Variants in GTF3C2 observed in about 807,000 individuals in gnomAD.
GTF3C2 encodes the protein general transcription factor 3C polypeptide 2.
GTF3C2 carries 17 observed loss-of-function variants against 117.4 expected under a neutral mutation model. The ratio of observed to expected loss-of-function variants is 0.14; its 90% CI spans 0.10 to 0.22. GTF3C2 has a LOEUF of 0.22. Among genes scored for constraint, GTF3C2 ranks in the 10% least tolerant of loss-of-function variants. The pLI is 1.00. For synonymous variants in GTF3C2, 437 were observed against 427.0 expected (o/e 1.02, Z -0.29); for missense variants, 888 against 1,143.6 (o/e 0.78, Z 3.22).
rs774241650 is a variant in GTF3C2 at position 27,326,718 on chromosome 2, G to C, written c.2693C>G (p.Pro898Arg). 3.1e-6 allele frequency: 5 copies of C among 1,614,124 alleles called. No individual in the cohort carries two copies. In the Admixed American group the frequency reaches 6.7e-5, roughly 22 times the overall value. ...GCGATGGCTGGTTGGAGAGAAGCCA[G>C]GCCGTCTAGTGGGGGAGGATGGTTG... The change falls in exon 19 of 19, where the codon CCT becomes CGT. Residue 898 changes from proline to arginine, a missense_variant. Physicochemically the swap from Pro to Arg is moderately radical, Grantham distance 103. Around this residue, in one of 7 missense-constraint regions of GTF3C2, gnomAD observed 53 missense variants for 43.6 expected, o/e 1.22. Coordinates refer to ENST00000264720, the Ensembl canonical transcript of GTF3C2.
chr2:27,343,559 A>AC (rs757458549), exon 2 of GTF3C2: 7 of 1,613,548 alleles, frequency 4.3e-6, no homozygotes, highest in Non-Finnish European at 5.1e-6. Flanking sequence ...ATCCATCAGC[A>AC]CCCCCCAAAA....
At chr2:27,330,800 A>G (rs1185966149) in intron 12 of GTF3C2, among the ~76,000 whole-genome samples, 1 of 152,198 alleles carries the variant, frequency 6.6e-6, no homozygotes. Context: ...ATCTCTACTA[A>G]AAATACAAAA....
At chr2:27,345,537 G>A (rs188611724) in intron 1 of GTF3C2, among the ~76,000 whole-genome samples, 3 of 151,706 alleles carry the variant, frequency 2.0e-5, no homozygotes, top group South Asian at 2.1e-4. Flanking sequence ...AGGTTGCAGC[G>A]AGCCGAGATC....
exon 2 of GTF3C2, chr2:27,343,410 C>T (rs147479583): frequency 3.8e-5 from 62 of 1,613,812 alleles, no homozygotes; most frequent in Admixed American, 6.7e-5. Context: ...GACATCTCTA[C>T]GGAAGCCTCT....
chr2:27,327,340 T>TG, intron 17 of GTF3C2, 56 bp from the exon 18 acceptor site: 1 of 923,542 alleles, frequency 1.1e-6, no homozygotes, highest in Non-Finnish European at 1.7e-6. Flanking sequence ...TTGTTTTTTT[T>TG]AAGACGGAGT....
rs1245099708 is a variant in GTF3C2 at position 27,349,141 on chromosome 2, TTGA to T, written c.-24-5566_-24-5564del. The stretch of plus-strand genomic sequence containing the variant: ...TGTGAGCCACTGTGCCCAGCCTGAT[TTGA>T]TTTTTTTTTTTTTTTTTTTTTGAGA... On this transcript the variant is annotated intron_variant, in intron 1 of 18. Coordinates refer to ENST00000264720, the Ensembl canonical transcript of GTF3C2. 5.2e-5 allele frequency among the ~76,000 whole-genome samples: 3 copies of T among 57,910 alleles called. 1 individual carries two copies. The highest frequency in any genetic ancestry group is 5.6e-4 in the South Asian group (1 of 1,772). 38.0% of individuals were successfully genotyped at this position (57,910 alleles called of 152,430 possible). A position where few individuals can be genotyped will look rare whatever the true frequency, so the allele number is the denominator to read the frequency against.
At chr2:27,353,848 A>G (rs1046833934) in intron 1 of GTF3C2, among the ~76,000 whole-genome samples, 1 of 152,050 alleles carries the variant, frequency 6.6e-6, no homozygotes, top group African/African-American at 2.4e-5. Flanking sequence ...TCAGCCTCTC[A>G]GGTCACTGGG....
chr2:27,333,698 C>T (rs1680357363), exon 12 of GTF3C2: 1 of 1,612,074 alleles, frequency 6.2e-7, no homozygotes, highest in Non-Finnish European at 8.5e-7. Context: ...GCCTGGTAGG[C>T]ATCCAGGCCA....
chr2:27,339,409 CAAAAAAAAAAAA>C (rs761860478), intron 4 of GTF3C2, among the ~76,000 whole-genome samples: 1 of 46,820 alleles, frequency 2.1e-5, no homozygotes, highest in Non-Finnish European at 5.0e-5. Flanking sequence ...AACTCCGTCT[CAAAAAAAAAAAA>C]AAAAAAGAAA....
chr2:27,343,060 T>C lies in GTF3C2; in HGVS notation c.335A>G (p.Lys112Arg), dbSNP rs147844847. The C allele has an allele frequency of 1.5e-5, 24 of 1,613,894 alleles. No individual in the cohort carries two copies. The African/African-American group carries it at 2.1e-4, about 14-fold the overall frequency. ...TGGAGGATTAGGCTGTTGGGGCCTT[T>C]TGGGGCCTTTTCGTGTCCTACCACC... Residue 112 changes from lysine (K) to arginine (R), a missense_variant, in exon 3 of 19, where the codon AAA becomes AGA. By Grantham distance (26) the Lys-to-Arg change is conservative. Around this residue, in one of 7 missense-constraint regions of GTF3C2, gnomAD observed 393 missense variants for 401.5 expected, o/e 0.98. Coordinates refer to ENST00000264720, the Ensembl canonical transcript of GTF3C2.
Position 27,337,466 on chromosome 2 carries a change from G to A in GTF3C2, c.1028+15C>T. The A allele has an allele frequency of 6.3e-7, 1 of 1,587,322 alleles. No individual in the cohort carries two copies. The highest frequency in any genetic ancestry group is 8.7e-7 in the Non-Finnish European group (1 of 1,155,558). On this transcript the variant is annotated intron_variant, in intron 6 of 18. Coordinates refer to ENST00000264720, the Ensembl canonical transcript of GTF3C2. ...GTCACCCTTCCTAAGCTACAGAGAT[G>A]TTGCTTCAACTTACAGCTCAGATAA...
At position 27,328,372 on chromosome 2, in the gene GTF3C2, G is replaced by A. The variant is rs568372802; in HGVS notation, c.2256+96C>T. The stretch of plus-strand genomic sequence containing the variant: ...GTGCTAAGATTTTCTGGGATATCAG[G>A]GCCGGGAGACCTGACACTAGTTTGT... On this transcript the variant is annotated intron_variant, in intron 16 of 18. Coordinates refer to ENST00000264720, the Ensembl canonical transcript of GTF3C2. The A allele has an allele frequency of 1.2e-4, 159 of 1,314,158 alleles. No homozygotes were observed. In the African/African-American group the frequency reaches 2.2e-3, roughly 18 times the overall value. The allele number at this position is 1,314,158 out of a possible 1,614,324, so 81.4% of individuals were successfully genotyped here. A position where few individuals can be genotyped will look rare whatever the true frequency, so the allele number is the denominator to read the frequency against.
At position 27,329,286 on chromosome 2, in the gene GTF3C2, T is replaced by TA. The variant is rs752023228; in HGVS notation, c.1878-5dup. ...CCCCGCAGAGACAAGGAAATGGCTG[T>TA]AAAAAGACGGGAGAAGGTCAAATCC... On this transcript the variant is annotated splice_polypyrimidine_tract_variant and splice_region_variant and intron_variant, in intron 13 of 18. Transcript: ENST00000264720. The surrounding 1 kb of genome is among the most constrained non-coding windows in gnomAD (Gnocchi z 4.5). The TA allele has an allele frequency of 2.2e-5, 36 of 1,614,172 alleles. 1 individual carries two copies. In the South Asian group the frequency reaches 3.5e-4, roughly 16 times the overall value.
intron 1 of GTF3C2, among the ~76,000 whole-genome samples, chr2:27,344,346 T>G (rs1019335880): frequency 1.1e-4 from 16 of 152,332 alleles, no homozygotes; most frequent in African/African-American, 3.6e-4. Context: ...ATTTATTAAA[T>G]GCTAACTATG....
exon 3 of GTF3C2, chr2:27,343,101 C>T (rs773866089): frequency 3.1e-6 from 5 of 1,607,604 alleles, no homozygotes; most frequent in Admixed American, 1.7e-5. Context: ...TCCGGCCAGG[C>T]TTTGAGGCCC....
chr2:27,339,409 CAA>C (rs761860478), intron 4 of GTF3C2, among the ~76,000 whole-genome samples: 7 of 46,794 alleles, frequency 1.5e-4, no homozygotes, highest in Admixed American at 2.2e-4. Context: ...AACTCCGTCT[CAA>C]AAAAAAAAAA....
At chr2:27,334,488 G>C (rs903169650) in intron 10 of GTF3C2, among the ~76,000 whole-genome samples, 5 of 151,722 alleles carry the variant, frequency 3.3e-5, no homozygotes, top group Non-Finnish European at 7.4e-5. Flanking sequence ...TTCCTCCTGT[G>C]TCATCCACTT....
In GTF3C2 at chr2:27,335,934, G is replaced by C. The variant is rs1456560139; in HGVS notation, c.1450C>G (p.Pro484Ala). Reference sequence around the variant, plus strand: ...GGAAGTACCTTCCGAGGGGTGCCTGGAAGTTCCCATGCTCCACTGGGGCAG... The same window carrying C: ...GGAAGTACCTTCCGAGGGGTGCCTGCAAGTTCCCATGCTCCACTGGGGCAG... The change falls in exon 9 of 19, where the codon CCA becomes GCA. Residue 484 changes from proline to alanine, a missense_variant. By Grantham distance (27) the Pro-to-Ala change is conservative. Around this residue, in one of 7 missense-constraint regions of GTF3C2, gnomAD observed 277 missense variants for 445.4 expected, o/e 0.62. Coordinates refer to ENST00000264720, the Ensembl canonical transcript of GTF3C2. The C allele has an allele frequency of 1.9e-6, 3 of 1,609,164 alleles. No homozygotes were observed. In the East Asian group the frequency reaches 6.7e-5, roughly 36 times the overall value.
chr2:27,326,179 C>A (rs1239922019), exon 19 of GTF3C2: 1 of 470,962 alleles, frequency 2.1e-6, no homozygotes, highest in Non-Finnish European at 4.4e-6. Context: ...TTCAGTCTCA[C>A]GAATTACTAT....
Sources: allele counts gnomAD v4.1 joint callset (sites outside exome capture counted in the v4.1 genomes callset), GRCh38; gene constraint gnomAD v4.1.1; regional missense constraint gnomAD v4.1.1; non-coding constraint Gnocchi (gnomAD v3.1); transcripts MANE v1.5; gene names NCBI Gene and HGNC (gene_info 2026-07-23, HGNC 2026-07-21).